NAALADL2: variants seen among roughly 807,000 people sequenced by gnomAD.
NAALADL2 encodes the protein N-acetylated alpha-linked acidic dipeptidase like 2.
In NAALADL2, 76 loss-of-function variants were observed where a neutral mutation model predicts 87.2. That is an observed-to-expected ratio of 0.87 (90% confidence interval 0.72 to 1.05). The LOEUF is 1.05. NAALADL2 is among the 50% of genes least tolerant of loss of function. The pLI, the probability that NAALADL2 is intolerant of heterozygous loss-of-function variation, is 0.00. For synonymous variants in NAALADL2, 354 were observed against 331.0 expected (o/e 1.07, Z -0.75); for missense variants, 1,089 against 945.8 (o/e 1.15, Z -1.99).
At chr3:175,360,246 C>G (rs1764833534) in intron 5 of NAALADL2, among the ~76,000 whole-genome samples, 2 of 151,976 alleles carry the variant, frequency 1.3e-5, no homozygotes, top group Non-Finnish European at 2.9e-5. Context: ...CTAAAAGTTC[C>G]TATTTGTTTC....
chr3:174,885,921 T>C (rs1730078887), intron 1 of NAALADL2, among the ~76,000 whole-genome samples: 1 of 70,994 alleles, frequency 1.4e-5, no homozygotes, highest in Non-Finnish European at 2.6e-5. Flanking sequence ...TTTTTTTTTT[T>C]TTTTTTTTTT....
At chr3:175,210,140 A>G (rs1214554309) in intron 2 of NAALADL2, among the ~76,000 whole-genome samples, 1 of 151,916 alleles carries the variant, frequency 6.6e-6, no homozygotes, top group Non-Finnish European at 1.5e-5. Context: ...AAGCAAACTA[A>G]TTAGCCAAGG....
chr3:175,600,513 A>C (rs1423309166), intron 10 of NAALADL2, among the ~76,000 whole-genome samples: 1 of 130,300 alleles, frequency 7.7e-6, no homozygotes, highest in South Asian at 2.8e-4. Context: ...TGTCCCACAA[A>C]TGTGTCTTAG....
chr3:174,611,114 G>T (rs937627679), intron 2 of NAALADL2, among the ~76,000 whole-genome samples: 1 of 148,278 alleles, frequency 6.7e-6, no homozygotes, highest in Non-Finnish European at 1.5e-5. Context: ...GAAATGAACA[G>T]TGAGAACACA....
intron 2 of NAALADL2, among the ~76,000 whole-genome samples, chr3:175,188,471 C>G (rs1737664413): frequency 6.6e-6 from 1 of 152,126 alleles, no homozygotes; most frequent in Non-Finnish European, 1.5e-5. Context: ...CCTTGAGGAA[C>G]TGGAATCTTG....
intron 2 of NAALADL2, chr3:175,112,557 G>C (rs898152650): frequency 4.6e-5 from 7 of 151,660 alleles, no homozygotes; most frequent in Non-Finnish European, 1.0e-4. Context: ...GCATTAGGTA[G>C]ATAAGAAGCA....
chr3:175,198,365 C>T (rs918373777), intron 2 of NAALADL2, among the ~76,000 whole-genome samples: 8 of 151,916 alleles, frequency 5.3e-5, no homozygotes, highest in African/African-American at 1.9e-4. Context: ...TTACTTCATA[C>T]CTCTAACCTT....
At chr3:174,707,986 A>G (rs1370477621) in intron 2 of NAALADL2, among the ~76,000 whole-genome samples, 8 of 152,198 alleles carry the variant, frequency 5.3e-5, no homozygotes, top group African/African-American at 1.9e-4. Flanking sequence ...GTGGGATGCT[A>G]GCTGCATTCC....
chr3:175,406,377 T>G (rs1318779363), intron 5 of NAALADL2, among the ~76,000 whole-genome samples: 1 of 152,184 alleles, frequency 6.6e-6, no homozygotes, highest in Non-Finnish European at 1.5e-5. Context: ...CACAACATTT[T>G]TAGAACTCTG....
intron 10 of NAALADL2, among the ~76,000 whole-genome samples, chr3:175,581,826 G>T (rs1719829273): frequency 1.3e-5 from 2 of 152,130 alleles, no homozygotes. Context: ...AAATGGACTT[G>T]GTTAGACCAG....
At chr3:175,687,002 A>G (rs1008419725) in intron 11 of NAALADL2, among the ~76,000 whole-genome samples, 13 of 152,174 alleles carry the variant, frequency 8.5e-5, no homozygotes, top group Non-Finnish European at 2.9e-5. Flanking sequence ...TCAGATGTCA[A>G]GTAGCTTGTT....
intron 11 of NAALADL2, among the ~76,000 whole-genome samples, chr3:175,734,547 A>G (rs527244735): frequency 2.6e-5 from 4 of 151,258 alleles, no homozygotes; most frequent in African/African-American, 9.7e-5. Context: ...ACAGAGCGAG[A>G]CTCCGTTTCA....
intron 1 of NAALADL2, among the ~76,000 whole-genome samples, chr3:175,057,776 A>G (rs941215911): frequency 3.9e-5 from 6 of 152,204 alleles, no homozygotes; most frequent in African/African-American, 1.4e-4. Flanking sequence ...AATCCAAGTT[A>G]TCAATGACTT....
At chr3:175,362,998 C>T (rs924496780) in intron 5 of NAALADL2, among the ~76,000 whole-genome samples, 4 of 147,640 alleles carry the variant, frequency 2.7e-5, no homozygotes, top group African/African-American at 4.9e-5. Flanking sequence ...ATTGACATCT[C>T]AGTTTCTTTA....
At chr3:175,524,953 C>T (rs925562368) in intron 9 of NAALADL2, among the ~76,000 whole-genome samples, 2 of 151,990 alleles carry the variant, frequency 1.3e-5, no homozygotes, top group Admixed American at 6.6e-5. Context: ...CAGGAACATG[C>T]TTTAAACTTG....
At chr3:175,032,791 A>G (rs949182033) in intron 1 of NAALADL2, among the ~76,000 whole-genome samples, 2 of 152,086 alleles carry the variant, frequency 1.3e-5, no homozygotes, top group African/African-American at 4.8e-5. Context: ...TTTTATTACC[A>G]ATGTAGTTTA....
chr3:175,182,695 C>A (rs374566510), intron 2 of NAALADL2, among the ~76,000 whole-genome samples: 13 of 151,340 alleles, frequency 8.6e-5, no homozygotes, highest in African/African-American at 3.2e-4. Context: ...ATGCACCTGC[C>A]AAAAGGGTTT....
At chr3:174,955,568 T>G (rs1196407985) in intron 1 of NAALADL2, among the ~76,000 whole-genome samples, 2 of 152,056 alleles carry the variant, frequency 1.3e-5, no homozygotes, top group Non-Finnish European at 2.9e-5. Context: ...AGAACAATGC[T>G]TGTCTGGTGA....
Position 174,706,592 on chromosome 3 carries a change from T to G in NAALADL2, c.-114-31049T>G, listed in dbSNP as rs148454270. On this transcript the variant is annotated intron_variant, in intron 2 of 3. Coordinates refer to the NAALADL2 transcript ENST00000434257. ...TTTCTCCTATTCTGTAGGTTGCCTGTGCACTCTGATGGTAGTTTCTTTTGC... is the reference window on the plus strand; with the variant it reads ...TTTCTCCTATTCTGTAGGTTGCCTGGGCACTCTGATGGTAGTTTCTTTTGC... Among the ~76,000 whole-genome samples the G allele has an allele frequency of 5.2e-3, 794 of 152,328 alleles. 9 individuals carry two copies. The highest frequency in any genetic ancestry group is 0.018 in the African/African-American group (763 of 41,572).
Sources: allele counts gnomAD v4.1 joint callset (sites outside exome capture counted in the v4.1 genomes callset), GRCh38; gene constraint gnomAD v4.1.1; transcripts MANE v1.5; gene names NCBI Gene and HGNC (gene_info 2026-07-23, HGNC 2026-07-21).